The following WWTR1 variants were observed in gnomAD, a reference collection of about 807,000 sequenced individuals.
The protein encoded by WWTR1 is WW domain containing transcription regulator 1.
WWTR1 carries 13 observed loss-of-function variants against 40.1 expected under a neutral mutation model. That is an observed-to-expected ratio of 0.32 (90% CI 0.21 to 0.52). WWTR1 has a LOEUF of 0.52. Ranked by LOEUF, WWTR1 falls within the 20% of genes least tolerant of loss-of-function variation. The pLI is 0.97. For missense variants in WWTR1, 436 were observed against 523.1 expected (o/e 0.83, Z 1.63); for synonymous variants, 230 against 210.1 (o/e 1.09, Z -0.82).
At chr3:149,657,631 C>G in intron 1 of WWTR1, 134 bp downstream of exon 1, 1 of 297,770 alleles carries the variant, frequency 3.4e-6, no homozygotes, top group Non-Finnish European at 6.3e-6. Context: ...AAAGGTCGCA[C>G]GATTCCAGGA....
intron 2 of WWTR1, among the ~76,000 whole-genome samples, chr3:149,651,937 C>T (rs1311244456): frequency 6.8e-6 from 1 of 147,144 alleles, no homozygotes; most frequent in African/African-American, 2.5e-5. Flanking sequence ...TCACACCATT[C>T]TCCTGCCTCA....
At chr3:149,673,341 G>A (rs1396424518) in intron 1 of WWTR1, among the ~76,000 whole-genome samples, 1 of 152,142 alleles carries the variant, frequency 6.6e-6, no homozygotes, top group Non-Finnish European at 1.5e-5. Context: ...TCAATGATGT[G>A]TACGTTATGT....
At chr3:149,643,465 A>T (rs1178874989) in intron 2 of WWTR1, among the ~76,000 whole-genome samples, 2 of 152,200 alleles carry the variant, frequency 1.3e-5, no homozygotes, top group African/African-American at 4.8e-5. Flanking sequence ...AATTAGAGTC[A>T]TGTTTTTACC....
chr3:149,688,153 G>A (rs1714710192), intron 1 of WWTR1, among the ~76,000 whole-genome samples: 1 of 151,996 alleles, frequency 6.6e-6, no homozygotes, highest in Non-Finnish European at 1.5e-5. Context: ...CCCAATTCCA[G>A]GTCCTAGCTT....
At chr3:149,647,036 C>T (rs1712572235) in intron 2 of WWTR1, among the ~76,000 whole-genome samples, 1 of 151,510 alleles carries the variant, frequency 6.6e-6, no homozygotes, top group Non-Finnish European at 1.5e-5. Context: ...ATATATTATA[C>T]TAAGTGAAAA....
chr3:149,631,653 G>A (rs964966403), intron 2 of WWTR1, among the ~76,000 whole-genome samples: 2 of 152,188 alleles, frequency 1.3e-5, no homozygotes, highest in Non-Finnish European at 2.9e-5. Flanking sequence ...TTACACTCCC[G>A]CTGTATCTTC....
At chr3:149,560,937 T>C (rs1737053518) in intron 3 of WWTR1, among the ~76,000 whole-genome samples, 1 of 133,182 alleles carries the variant, frequency 7.5e-6, no homozygotes, top group Non-Finnish European at 1.5e-5. Context: ...TGTTACATTA[T>C]TTTTTAAAAG....
rs774938633 is a variant in WWTR1, at chr3:149,684,829, G to A, written c.-107-14938C>T. On this transcript the variant is annotated intron_variant, in intron 1 of 7. Transcript: ENST00000465804. ...TCCTCCCACCTCTGCCTTTCAAATT[G>A]TTGGGATTACAGGTGTGCTCCACTG... Among the ~76,000 whole-genome samples, 26 of 152,210 alleles carry A rather than the reference G, an allele frequency of 1.7e-4. 1 individual carries two copies. The highest frequency in any genetic ancestry group is 3.4e-3 in the Middle Eastern group (1 of 294).
chr3:149,592,542 GAGCTA>G (rs1738778811), intron 2 of WWTR1, among the ~76,000 whole-genome samples: 1 of 152,120 alleles, frequency 6.6e-6, no homozygotes, highest in East Asian at 1.9e-4. Flanking sequence ...ATTCAAAGCA[GAGCTA>G]ATATAGATTA....
chr3:149,555,408 C>T (rs749434589), intron 3 of WWTR1, among the ~76,000 whole-genome samples: 15 of 151,320 alleles, frequency 9.9e-5, no homozygotes, highest in Non-Finnish European at 2.1e-4. Context: ...ATTAAAGAAA[C>T]AGCCTTTTTC....
At chr3:149,542,605 AG>A (rs1576547907) in intron 3 of WWTR1, 68 bp from the exon 4 acceptor site, 31 of 1,474,112 alleles carry the variant, frequency 2.1e-5, no homozygotes, top group Non-Finnish European at 2.7e-5. Context: ...ATAGACCATC[AG>A]AATGTTTTCT....
At chr3:149,531,492 T>C (rs559418952) in intron 4 of WWTR1, among the ~76,000 whole-genome samples, 2 of 152,070 alleles carry the variant, frequency 1.3e-5, no homozygotes, top group African/African-American at 2.4e-5. Flanking sequence ...TTTCCTCCCA[T>C]GTCTCTGATG....
rs1260862986 is a variant in WWTR1 at position 149,656,754 on chromosome 3, ATCTCTCTCTTTC to A, written c.431+110_431+121del. ...AAATAACCGTGGAAGGACACGCACC[ATCTCTCTCTTTC>A]TCTCTCTCTCTCTCTCTCTCTCTCT... On this transcript the variant is annotated intron_variant, in intron 2 of 6. Coordinates refer to ENST00000360632, the MANE Select transcript of WWTR1 (RefSeq NM_015472.6). 9,821 of 766,424 alleles carry A rather than the reference ATCTCTCTCTTTC, an allele frequency of 0.013. 517 individuals carry two copies. The African/African-American group carries it at 0.17, about 13-fold the overall frequency. 47.5% of individuals were successfully genotyped at this position (766,424 alleles called of 1,614,324 possible).
chr3:149,619,543 A>G (rs1740169019), intron 2 of WWTR1, among the ~76,000 whole-genome samples: 1 of 152,152 alleles, frequency 6.6e-6, no homozygotes, highest in Non-Finnish European at 1.5e-5. Context: ...GTATCACTTG[A>G]GCCTAGGAGT....
intron 6 of WWTR1, among the ~76,000 whole-genome samples, chr3:149,522,904 A>C (rs1218721441): frequency 2.0e-5 from 3 of 151,266 alleles, no homozygotes; most frequent in African/African-American, 4.9e-5. Flanking sequence ...AAACAAAAAA[A>C]CCCCAAAAAA....
chr3:149,577,858 G>A (rs1053269564), intron 2 of WWTR1, among the ~76,000 whole-genome samples: 1 of 152,040 alleles, frequency 6.6e-6, no homozygotes, highest in South Asian at 2.1e-4. Context: ...ATCAGCCTGC[G>A]GAGGGGGTGT....
At chr3:149,683,130 G>C (rs1245681533) in intron 1 of WWTR1, among the ~76,000 whole-genome samples, 1 of 152,144 alleles carries the variant, frequency 6.6e-6, no homozygotes, top group African/African-American at 2.4e-5. Context: ...TATTATTTCT[G>C]AGTGCTTACA....
chr3:149,593,407 C>T (rs1310947425), intron 2 of WWTR1, among the ~76,000 whole-genome samples: 1 of 148,844 alleles, frequency 6.7e-6, no homozygotes, highest in Non-Finnish European at 1.5e-5. Context: ...TTTTTAATTG[C>T]ATGCTCATTG....
chr3:149,580,497 C>A (rs573361938), intron 2 of WWTR1, among the ~76,000 whole-genome samples: 1 of 152,316 alleles, frequency 6.6e-6, no homozygotes, highest in African/African-American at 2.4e-5. Context: ...GAGGCCACAT[C>A]ACAGAGGGAG....
Sources: gnomAD v4.1 joint callset for allele counts (sites outside exome capture counted in the v4.1 genomes callset) on GRCh38, gnomAD v4.1.1 for gene constraint, MANE v1.5 for transcripts, NCBI Gene and HGNC (gene_info 2026-07-23, HGNC 2026-07-21) for gene names.